The following ACACA variants were observed in gnomAD, a reference collection of about 807,000 sequenced individuals.
ACACA encodes the protein acetyl-CoA carboxylase alpha.
ACACA carries 103 observed loss-of-function variants against 296.1 expected under a neutral mutation model. The observed-to-expected ratio is 0.35, with a 90% CI of 0.30 to 0.41. The LOEUF is 0.41. ACACA is among the 10% of genes least tolerant of loss of function. The pLI is 1.00. For synonymous variants in ACACA, 953 were observed against 1,038.6 expected (o/e 0.92, Z 1.58); for missense variants, 1,554 against 2,989.7 (o/e 0.52, Z 11.20).
At chr17:37,221,658 T>G in intron 29 of ACACA, 66 bp downstream of exon 29, 1 of 1,259,498 alleles carries the variant, frequency 7.9e-7, no homozygotes, top group Non-Finnish European at 1.2e-6. Context: ...GTCATACACA[T>G]TACTCCCCTT....
chr17:37,235,775 G>C (rs1168159954), intron 24 of ACACA, among the ~76,000 whole-genome samples: 1 of 152,146 alleles, frequency 6.6e-6, no homozygotes, highest in African/African-American at 2.4e-5. Flanking sequence ...ATAGATCAAG[G>C]AGAACCTTGC....
At position 37,248,441 on chromosome 17, in the gene ACACA, C is replaced by G. The variant is rs574679716; in HGVS notation, c.2163+152G>C. Reference sequence around the variant, plus strand: ...AACAAAAAAGATTTTCATAGAACAACAAACGCTGCTTCAGGACACTGACAA... The same window carrying G: ...AACAAAAAAGATTTTCATAGAACAAGAAACGCTGCTTCAGGACACTGACAA... On this transcript the variant is annotated intron_variant, in intron 17 of 55. Coordinates refer to ENST00000616317, the MANE Select transcript of ACACA (RefSeq NM_198834.3). 5.5e-4 allele frequency: 403 copies of G among 737,826 alleles called. 1 individual carries two copies. The highest frequency in any genetic ancestry group is 9.3e-4 in the Admixed American group (43 of 46,042). The allele number at this position is 737,826 out of a possible 1,614,324, so 45.7% of individuals were successfully genotyped here. A position where few individuals can be genotyped will look rare whatever the true frequency, so the allele number is the denominator to read the frequency against.
chr17:37,367,318 T>C (rs1403255208), intron 1 of ACACA, among the ~76,000 whole-genome samples: 1 of 151,588 alleles, frequency 6.6e-6, no homozygotes, highest in African/African-American at 2.4e-5. Context: ...TCATAATCAG[T>C]TGAATAACAT....
intron 45 of ACACA, among the ~76,000 whole-genome samples, chr17:37,146,036 C>T (rs1452063984): frequency 6.6e-6 from 1 of 151,878 alleles, no homozygotes; most frequent in Non-Finnish European, 1.5e-5. Context: ...CAAAGGATGG[C>T]GTCCATGAAT....
intron 41 of ACACA, 129 bp from the exon 42 acceptor site, chr17:37,162,179 A>C: frequency 1.0e-6 from 1 of 994,342 alleles, no homozygotes; most frequent in Non-Finnish European, 1.5e-6. Context: ...TAAAGAGCCA[A>C]ACTCCCTGTG....
intron 1 of ACACA, chr17:37,387,999 T>C (rs1289016067): frequency 6.6e-6 from 1 of 152,104 alleles, no homozygotes; most frequent in East Asian, 1.9e-4. Flanking sequence ...TCTGTCTGTA[T>C]AAAAAAATTT....
intron 3 of ACACA, among the ~76,000 whole-genome samples, chr17:37,297,396 G>A (rs1228614594): frequency 2.7e-5 from 4 of 149,108 alleles, no homozygotes; most frequent in Admixed American, 6.7e-5. Flanking sequence ...AGCCAAGATC[G>A]CGCCATCACA....
rs368012430 is a variant in ACACA at position 37,389,490 on chromosome 17, G to A, written c.38+16772C>T. The A allele has an allele frequency of 4.5e-5, 58 of 1,300,472 alleles. No homozygotes were observed. In the African/African-American group the frequency reaches 6.6e-4, roughly 15 times the overall value. The allele number at this position is 1,300,472 out of a possible 1,614,324, so 80.6% of individuals were successfully genotyped here. Reference sequence around the variant, plus strand: ...GGCAGGTGGATCACCTGAGGTGATCGAGACCAGCCTGACCAACATGACGAA... The same window carrying A: ...GGCAGGTGGATCACCTGAGGTGATCAAGACCAGCCTGACCAACATGACGAA... On this transcript the variant is annotated intron_variant, in intron 1 of 55. Transcript: ENST00000616317.
At chr17:37,184,080 A>C (rs1181844121) in intron 39 of ACACA, among the ~76,000 whole-genome samples, 1 of 151,988 alleles carries the variant, frequency 6.6e-6, no homozygotes, top group Admixed American at 6.5e-5. Context: ...TCAAACTCCT[A>C]ACCTCAGCTG....
chr17:37,103,731 AC>A (rs2073500948), intron 52 of ACACA, among the ~76,000 whole-genome samples: 2 of 149,788 alleles, frequency 1.3e-5, no homozygotes, highest in Non-Finnish European at 3.0e-5. Context: ...AAACACACAC[AC>A]ACACACACAC....
chr17:37,213,391 T>G (rs1030549741), intron 29 of ACACA, among the ~76,000 whole-genome samples: 1 of 149,634 alleles, frequency 6.7e-6, no homozygotes, highest in Non-Finnish European at 1.5e-5. Flanking sequence ...CAATCTTTGA[T>G]AAGGCAATCA....
chr17:37,277,465 ACAT>A (rs2082329387), intron 6 of ACACA, among the ~76,000 whole-genome samples: 1 of 152,248 alleles, frequency 6.6e-6, no homozygotes, highest in South Asian at 2.1e-4. Context: ...CCACTCCATT[ACAT>A]CATTATTGAT....
chr17:37,320,134 T>C (rs958119738), intron 3 of ACACA, among the ~76,000 whole-genome samples: 1 of 151,340 alleles, frequency 6.6e-6, no homozygotes, highest in African/African-American at 2.4e-5. Flanking sequence ...GTAAAAAAAA[T>C]TTTTCAAGTA....
chr17:37,374,696 T>C (rs955851605), intron 1 of ACACA, among the ~76,000 whole-genome samples: 4 of 152,196 alleles, frequency 2.6e-5, no homozygotes, highest in African/African-American at 9.6e-5. Flanking sequence ...AACAGTTATC[T>C]GTCTAGGAAA....
chr17:37,342,067 T>A (rs1181749351), intron 1 of ACACA, among the ~76,000 whole-genome samples: 1 of 152,092 alleles, frequency 6.6e-6, no homozygotes, highest in Non-Finnish European at 1.5e-5. Flanking sequence ...AATTATTTTC[T>A]TCATTATATA....
intron 1 of ACACA, among the ~76,000 whole-genome samples, chr17:37,371,369 C>T (rs553120823): frequency 2.0e-4 from 31 of 151,906 alleles, no homozygotes; most frequent in African/African-American, 6.8e-4. Context: ...TGAGCCACGA[C>T]GCCCGGCTGA....
intron 3 of ACACA, among the ~76,000 whole-genome samples, chr17:37,320,174 C>T (rs182277079): frequency 2.0e-5 from 3 of 152,040 alleles, no homozygotes; most frequent in Non-Finnish European, 4.4e-5. Flanking sequence ...TAACTTCTAT[C>T]CCTTTCTAAC....
At chr17:37,167,568 C>T (rs2076728141) in intron 41 of ACACA, among the ~76,000 whole-genome samples, 2 of 151,904 alleles carry the variant, frequency 1.3e-5, no homozygotes. Flanking sequence ...ATCCACCTGC[C>T]TCGGCCTCCC....
rs397687787 is a variant in ACACA, at chr17:37,157,531, C to CTTTTTTTTT, written c.5350-1760_5350-1752dup. On this transcript the variant is annotated intron_variant, in intron 42 of 55. Transcript: ENST00000616317. ...TTATATTTTAACTAGATCATTCTAT[C>CTTTTTTTTT]TTTTTTTTTTTTTTTTTTTTTTTGA... Among the ~76,000 whole-genome samples, 77 of 90,482 alleles carry CTTTTTTTTT rather than the reference C, an allele frequency of 8.5e-4. 1 individual carries two copies. The highest frequency in any genetic ancestry group is 2.7e-3 in the East Asian group (7 of 2,636). The allele number at this position is 90,482 out of a possible 152,430, so 59.4% of individuals were successfully genotyped here.
Sources: allele counts gnomAD v4.1 joint callset (sites outside exome capture counted in the v4.1 genomes callset), GRCh38; gene constraint gnomAD v4.1.1; transcripts MANE v1.5; gene names NCBI Gene and HGNC (gene_info 2026-07-23, HGNC 2026-07-21).